The following PLCB1 variants were observed in gnomAD, a reference collection of about 807,000 sequenced individuals.
The protein encoded by PLCB1 is phospholipase C beta 1.
PLCB1 carries 46 observed loss-of-function variants against 161.8 expected under a neutral mutation model. That is an observed-to-expected ratio of 0.28 (90% confidence interval 0.22 to 0.36). The LOEUF (loss-of-function observed/expected upper bound fraction) is 0.36, where lower values mean the gene tolerates loss of function less well. Ranked by LOEUF, PLCB1 falls within the 10% of genes least tolerant of loss-of-function variation. The pLI is 1.00. For synonymous variants in PLCB1, 517 were observed against 503.7 expected, an observed-to-expected ratio of 1.03 and a Z score of -0.35; for missense variants, 1,016 against 1,472.5, an observed-to-expected ratio of 0.69 and a Z score of 5.07.
chr20:8,584,895 T>A (rs552558499), intron 3 of PLCB1, among the ~76,000 whole-genome samples: 4 of 152,262 alleles, frequency 2.6e-5, no homozygotes, highest in African/African-American at 9.6e-5. Flanking sequence ...TTCACCATGT[T>A]GGTCAGGCTG....
chr20:8,727,884 C>G (rs942252748), intron 17 of PLCB1, among the ~76,000 whole-genome samples: 1 of 151,944 alleles, frequency 6.6e-6, no homozygotes, highest in Non-Finnish European at 1.5e-5. Flanking sequence ...ATATACATTA[C>G]TAAGACTGGA....
At chr20:8,603,878 T>C (rs977535904) in intron 3 of PLCB1, among the ~76,000 whole-genome samples, 2 of 152,182 alleles carry the variant, frequency 1.3e-5, no homozygotes, top group African/African-American at 4.8e-5. Context: ...GGGGTGTTAA[T>C]AATATTTTGG....
chr20:8,412,863 T>A (rs1348103605), intron 3 of PLCB1, among the ~76,000 whole-genome samples: 3 of 152,138 alleles, frequency 2.0e-5, no homozygotes, highest in African/African-American at 7.2e-5. Context: ...ATGTTAACGA[T>A]GCCTATATTT....
intron 3 of PLCB1, among the ~76,000 whole-genome samples, chr20:8,545,435 T>A (rs550103664): frequency 5.0e-4 from 76 of 152,218 alleles, no homozygotes; most frequent in Middle Eastern, 3.4e-3. Context: ...TGACTCAAAG[T>A]GTGTCAGCGG....
intron 3 of PLCB1, among the ~76,000 whole-genome samples, chr20:8,497,252 C>CTA (rs1163914902): frequency 1.3e-5 from 2 of 151,998 alleles, no homozygotes; most frequent in Non-Finnish European, 2.9e-5. Context: ...TATATGCTGC[C>CTA]TATATATATG....
chr20:8,531,432 T>A (rs1326875875), intron 3 of PLCB1, among the ~76,000 whole-genome samples: 1 of 152,166 alleles, frequency 6.6e-6, no homozygotes, highest in Non-Finnish European at 1.5e-5. Context: ...ATTATTACAA[T>A]TGGAATGTGA....
chr20:8,839,951 A>G (rs546899045), intron 31 of PLCB1, among the ~76,000 whole-genome samples: 1 of 151,882 alleles, frequency 6.6e-6, no homozygotes, highest in East Asian at 1.9e-4. Context: ...GAATCGCTTG[A>G]ACCCAAGAGA....
rs544981231 is a variant in PLCB1, at chr20:8,794,953, G to A, written c.3423+4692G>A. On this transcript the variant is annotated intron_variant, in intron 31 of 31. Coordinates refer to ENST00000338037, the MANE Select transcript of PLCB1 (RefSeq NM_015192.4). Reference sequence around the variant, plus strand: ...ACACATGAAACCTCATTCAAAGTGTGACTTTGCTAGCAGTTTACTCAACAA... The same window carrying A: ...ACACATGAAACCTCATTCAAAGTGTAACTTTGCTAGCAGTTTACTCAACAA... Among the ~76,000 whole-genome samples, 90 of 152,308 alleles carry A rather than the reference G, an allele frequency of 5.9e-4. 2 individuals carry two copies. In the South Asian group the frequency reaches 0.017, roughly 29 times the overall value.
chr20:8,660,061 C>T (rs772924254), intron 9 of PLCB1, among the ~76,000 whole-genome samples: 1 of 150,410 alleles, frequency 6.6e-6, no homozygotes, highest in South Asian at 2.1e-4. Context: ...TCATATTCTA[C>T]ATGCTACTAG....
At chr20:8,671,372 C>G (rs1242692511) in intron 9 of PLCB1, among the ~76,000 whole-genome samples, 1 of 152,144 alleles carries the variant, frequency 6.6e-6, no homozygotes, top group African/African-American at 2.4e-5. Context: ...CTCATGTTGG[C>G]ATGACAAGTT....
At chr20:8,506,311 T>A (rs1462888518) in intron 3 of PLCB1, among the ~76,000 whole-genome samples, 1 of 152,208 alleles carries the variant, frequency 6.6e-6, no homozygotes, top group African/African-American at 2.4e-5. Flanking sequence ...ATAATAAGTC[T>A]ATTGCCCCAC....
At chr20:8,275,957 A>G (rs1254344940) in intron 2 of PLCB1, among the ~76,000 whole-genome samples, 1 of 151,504 alleles carries the variant, frequency 6.6e-6, no homozygotes, top group African/African-American at 2.4e-5. Context: ...AAGACAGAAC[A>G]TTCACACCTC....
At chr20:8,790,076 A>T (rs1293196090) in intron 30 of PLCB1, 99 bp from the exon 31 acceptor site, 1 of 759,646 alleles carries the variant, frequency 1.3e-6, no homozygotes, top group African/African-American at 1.8e-5. Flanking sequence ...TCAAATAATC[A>T]AATGTAAGCC....
intron 2 of PLCB1, among the ~76,000 whole-genome samples, chr20:8,370,907 G>C (rs1302865873): frequency 6.6e-6 from 1 of 152,190 alleles, no homozygotes; most frequent in Non-Finnish European, 1.5e-5. Flanking sequence ...CATGAGGTAT[G>C]TGTGCAAAAG....
At chr20:8,343,321 C>T (rs987020439) in intron 2 of PLCB1, among the ~76,000 whole-genome samples, 2 of 152,200 alleles carry the variant, frequency 1.3e-5, no homozygotes, top group Admixed American at 6.5e-5. Context: ...CCTCAAAATC[C>T]CCTGTAGGCA....
chr20:8,858,612 G>T (rs867998875), intron 31 of PLCB1, among the ~76,000 whole-genome samples: 1 of 152,004 alleles, frequency 6.6e-6, no homozygotes, highest in South Asian at 2.1e-4. Context: ...ATTCCACTGG[G>T]GTCACTTCCA....
intron 3 of PLCB1, among the ~76,000 whole-genome samples, chr20:8,590,846 C>T (rs1987127554): frequency 6.6e-6 from 1 of 152,066 alleles, no homozygotes; most frequent in African/African-American, 2.4e-5. Context: ...TTCTGGGGTC[C>T]ATGTGCAGGA....
chr20:8,250,536 C>T (rs1981086434), intron 2 of PLCB1, among the ~76,000 whole-genome samples: 1 of 151,418 alleles, frequency 6.6e-6, no homozygotes, highest in African/African-American at 2.4e-5. Flanking sequence ...GCTTTTTTAA[C>T]CTTTCCTTTT....
chr20:8,881,736 G>C lies in PLCB1; in HGVS notation c.3538G>C (p.Gly1180Arg), dbSNP rs1300855863. 6.2e-7 allele frequency: 1 copy of C among 1,613,864 alleles called. No individual in the cohort carries two copies. Among genetic ancestry groups the C allele is most frequent in the African/African-American group, 1.3e-5 (1 of 74,878 alleles). Residue 1180 changes from glycine (G) to arginine (R), a missense_variant, in exon 32 of 32, where the codon GGT becomes CGT. By Grantham distance (125) the Gly-to-Arg change is moderately radical. Transcript: ENST00000338037. ...KGKISEDSNH[G>R]SAPLSLSSDP... is the part of the protein sequence containing the mutation. ...AAAGATCAGTGAAGACAGCAATCAC[G>C]GTTCTGCCCCTCTCTCCCTGTCCTC...
Sources: gnomAD v4.1 joint callset for allele counts (sites outside exome capture counted in the v4.1 genomes callset) on GRCh38, gnomAD v4.1.1 for gene constraint, MANE v1.5 for transcripts, NCBI Gene and HGNC (gene_info 2026-07-23, HGNC 2026-07-21) for gene names.